The following DAG1 variants were observed in gnomAD, a reference collection of about 807,000 sequenced individuals.
The protein encoded by DAG1 is dystroglycan 1 (dystrophin-associated glycoprotein 1).
In DAG1, 8 loss-of-function variants were observed where a neutral mutation model predicts 46.1. The observed-to-expected ratio is 0.17, with a 90% CI of 0.10 to 0.31. The LOEUF (loss-of-function observed/expected upper bound fraction) is 0.31, where lower values mean the gene tolerates loss of function less well. Ranked by LOEUF, DAG1 falls within the 10% of genes least tolerant of loss-of-function variation. DAG1 has a pLI of 1.00. For missense variants in DAG1, 1,003 were observed against 1,189.9 expected, an observed-to-expected ratio of 0.84 and a Z score of 2.31; for synonymous variants, 495 against 481.8, an observed-to-expected ratio of 1.03 and a Z score of -0.36.
intron 1 of DAG1, among the ~76,000 whole-genome samples, chr3:49,497,473 G>A (rs979506259): frequency 1.3e-5 from 2 of 151,626 alleles, no homozygotes; most frequent in Non-Finnish European, 2.9e-5. Flanking sequence ...AATGAGCCAG[G>A]CATGGTGCTG....
chr3:49,526,545 A>AAAAAAG (rs2051176830), intron 2 of DAG1, among the ~76,000 whole-genome samples: 1 of 151,990 alleles, frequency 6.6e-6, no homozygotes, highest in Admixed American at 6.6e-5. Flanking sequence ...CCCATCTCTA[A>AAAAAAG]AAAAAGAAAA....
At chr3:49,520,890 T>C (rs1313265723) in intron 2 of DAG1, among the ~76,000 whole-genome samples, 1 of 152,186 alleles carries the variant, frequency 6.6e-6, no homozygotes, top group Non-Finnish European at 1.5e-5. Context: ...AGACATCATC[T>C]TGTGGGCCCT....
chr3:49,471,661 G>C (rs1488454847), intron 1 of DAG1, among the ~76,000 whole-genome samples: 5 of 152,182 alleles, frequency 3.3e-5, no homozygotes, highest in Non-Finnish European at 5.9e-5. Context: ...AAAAGCTTGT[G>C]CTGACATGTG....
intron 1 of DAG1, among the ~76,000 whole-genome samples, chr3:49,508,081 C>A (rs933724657): frequency 2.0e-5 from 3 of 149,464 alleles, no homozygotes; most frequent in Non-Finnish European, 4.5e-5. Flanking sequence ...TTTTATTAAT[C>A]TTTTCAAATA....
chr3:49,471,799 C>T (rs1309123408), intron 1 of DAG1, among the ~76,000 whole-genome samples: 5 of 152,120 alleles, frequency 3.3e-5, no homozygotes, highest in African/African-American at 1.2e-4. Flanking sequence ...ATCCTAGGGA[C>T]CCATGTAAAA....
rs1463852600 is a variant in DAG1 at position 49,535,369 on chromosome 3, G to C, written c.*2170G>C. On this transcript the variant is annotated 3_prime_UTR_variant, in exon 3 of 3. Transcript: ENST00000308775. The stretch of plus-strand genomic sequence containing the variant: ...TGGCCCAGAATGGCCTGTTGCCATA[G>C]CAACTGGAGGCGATGGGGCAGTGAA... 15 of 152,686 alleles carry C rather than the reference G, an allele frequency of 9.8e-5. No individual in the cohort carries two copies. Among genetic ancestry groups the C allele is most frequent in the Admixed American group, 9.8e-4 (15 of 15,286 alleles). 9.5% of individuals were successfully genotyped at this position (152,686 alleles called of 1,614,324 possible).
chr3:49,516,814 G>C (rs1028252965), intron 2 of DAG1, among the ~76,000 whole-genome samples: 1 of 152,082 alleles, frequency 6.6e-6, no homozygotes, highest in Non-Finnish European at 1.5e-5. Context: ...GTTATTGGGG[G>C]TTCAGATCTG....
chr3:49,505,916 TG>T (rs1233339398), intron 1 of DAG1, among the ~76,000 whole-genome samples: 7 of 151,260 alleles, frequency 4.6e-5, no homozygotes, highest in Non-Finnish European at 8.8e-5. Context: ...GTGATCCACC[TG>T]CCTCGGCCCC....
intron 1 of DAG1, among the ~76,000 whole-genome samples, chr3:49,477,781 G>A (rs1374606129): frequency 6.6e-6 from 1 of 151,952 alleles, no homozygotes; most frequent in African/African-American, 2.4e-5. Flanking sequence ...GGCCAACATG[G>A]CGAAACCCTG....
At chr3:49,473,278 G>A (rs1203927381) in intron 1 of DAG1, among the ~76,000 whole-genome samples, 3 of 151,632 alleles carry the variant, frequency 2.0e-5, no homozygotes, top group Admixed American at 1.3e-4. Flanking sequence ...AGCCAGGTGG[G>A]GTGGCGGGCG....
intron 2 of DAG1, among the ~76,000 whole-genome samples, chr3:49,514,871 A>AT (rs1161382231): frequency 2.6e-4 from 38 of 148,558 alleles, no homozygotes; most frequent in Admixed American, 2.4e-3. Flanking sequence ...ATATATATAT[A>AT]TTTTTTGAGA....
chr3:49,530,468 G>A (rs1575409624), intron 2 of DAG1, among the ~76,000 whole-genome samples: 1 of 152,206 alleles, frequency 6.6e-6, no homozygotes, highest in East Asian at 1.9e-4. Flanking sequence ...GGCAGGGCGT[G>A]TCACTGTTAT....
intron 1 of DAG1, among the ~76,000 whole-genome samples, chr3:49,485,149 G>A (rs2049990041): frequency 6.6e-6 from 1 of 152,014 alleles, no homozygotes; most frequent in Non-Finnish European, 1.5e-5. Context: ...ACCACGCCTG[G>A]CTAATTTTTT....
At chr3:49,514,086 G>A (rs2050829819) in intron 2 of DAG1, among the ~76,000 whole-genome samples, 1 of 152,122 alleles carries the variant, frequency 6.6e-6, no homozygotes, top group South Asian at 2.1e-4. Context: ...TTTATCTGTG[G>A]AAAGCAGACC....
rs1409477415 is a variant in DAG1 at position 49,531,462 on chromosome 3, A to G, written c.951A>G (p.Thr317=). The change falls in exon 3 of 3, where the codon ACA becomes ACG. Residue 317 remains threonine (T), a synonymous_variant. Coordinates refer to ENST00000308775, the MANE Select transcript of DAG1 (RefSeq NM_004393.6). The surrounding 1 kb of genome is among the most constrained non-coding windows in gnomAD (Gnocchi z 7.0). ...PKRVRRQIHA[T]PTPVTAIGPP... ...GCGTCCGGAGGCAGATCCATGCTAC[A>G]CCCACACCTGTCACTGCCATTGGGC... is the stretch of plus-strand genomic sequence containing the variant. The G allele has an allele frequency of 6.8e-6, 11 of 1,613,652 alleles. No homozygotes were observed. The highest frequency in any genetic ancestry group is 1.7e-5 in the Admixed American group (1 of 59,964).
intron 1 of DAG1, among the ~76,000 whole-genome samples, chr3:49,479,007 G>T (rs755415944): frequency 2.6e-5 from 4 of 151,648 alleles, no homozygotes; most frequent in African/African-American, 9.7e-5. Flanking sequence ...TAGAGACGAG[G>T]TTTTACTATG....
intron 1 of DAG1, among the ~76,000 whole-genome samples, chr3:49,485,377 T>C (rs765021264): frequency 6.6e-6 from 1 of 152,176 alleles, no homozygotes; most frequent in Non-Finnish European, 1.5e-5. Context: ...GTCTGGCCTT[T>C]ATCTTTGTTG....
chr3:49,509,259 A>G (rs2050695031), intron 1 of DAG1, among the ~76,000 whole-genome samples: 1 of 152,186 alleles, frequency 6.6e-6, no homozygotes, highest in African/African-American at 2.4e-5. Context: ...ATAGTGGGAC[A>G]CTGTCTGTAC....
chr3:49,513,832 G>C (rs1167511136), intron 2 of DAG1, among the ~76,000 whole-genome samples: 1 of 152,142 alleles, frequency 6.6e-6, no homozygotes, highest in Admixed American at 6.6e-5. Context: ...ACAGAGTGGT[G>C]GCTCTGGAAG....
Sources: allele counts gnomAD v4.1 joint callset (sites outside exome capture counted in the v4.1 genomes callset), GRCh38; gene constraint gnomAD v4.1.1; non-coding constraint Gnocchi (gnomAD v3.1); transcripts MANE v1.5; gene names NCBI Gene and HGNC (gene_info 2026-07-23, HGNC 2026-07-21).